The following ITIH4 variants were observed in gnomAD, a reference collection of about 807,000 sequenced individuals.
ITIH4 encodes the protein inter-alpha-trypsin inhibitor heavy chain H4.
In ITIH4, 79 loss-of-function variants were observed where a neutral mutation model predicts 111.8. The ratio of observed to expected loss-of-function variants is 0.71; its 90% CI spans 0.59 to 0.85. The LOEUF (loss-of-function observed/expected upper bound fraction) is 0.85. ITIH4 is among the 40% of genes least tolerant of loss of function. ITIH4 has a pLI of 0.00. For missense variants in ITIH4, 1,065 were observed against 1,195.8 expected, an observed-to-expected ratio of 0.89 and a Z score of 1.61; for synonymous variants, 472 against 468.3, an observed-to-expected ratio of 1.01 and a Z score of -0.10.
intron 2 of ITIH4, 58 bp downstream of exon 2, chr3:52,829,061 C>T (rs372279368): frequency 4.7e-5 from 68 of 1,445,318 alleles, no homozygotes; most frequent in East Asian, 4.3e-4. Context: ...TGGCACAGAG[C>T]GATGGAGTCA....
At chr3:52,825,180 C>A in intron 6 of ITIH4, 1 of 373,324 alleles carries the variant, frequency 2.7e-6, no homozygotes, top group Non-Finnish European at 4.8e-6. Context: ...ACTCTCCCTG[C>A]AACTTTTCCT....
chr3:52,827,813 C>T (rs942193312), intron 2 of ITIH4, among the ~76,000 whole-genome samples: 1 of 152,242 alleles, frequency 6.6e-6, no homozygotes, highest in East Asian at 1.9e-4. Flanking sequence ...TGTGGACACA[C>T]TCCTAGCAGC....
chr3:52,824,563 G>A lies in ITIH4; in HGVS notation c.879C>T (p.Thr293=). 1 of 1,610,214 alleles carries A rather than the reference G, an allele frequency of 6.2e-7. No homozygotes were observed. The highest frequency in any genetic ancestry group is 8.5e-7 in the Non-Finnish European group (1 of 1,179,044). The change falls in exon 8 of 24, where the codon ACC becomes ACT. Residue 293 remains threonine, a splice_region_variant and synonymous_variant. Coordinates refer to ENST00000266041, the MANE Select transcript of ITIH4 (RefSeq NM_002218.5). The surrounding 1 kb of genome is among the most constrained non-coding windows in gnomAD (Gnocchi z 4.3). ...GSMSGRKIQQ[T]REALIKILDD... ...CCAGGATCTTGATTAGGGCTTCCCG[G>A]GTCTGGTCAGGGAGAGGAAACATAG...
Position 52,819,536 on chromosome 3 carries a change from G to C in ITIH4, c.1952-18C>G, listed in dbSNP as rs1261566932. The C allele has an allele frequency of 6.2e-7, 1 of 1,614,014 alleles. No individual in the cohort carries two copies. Reference sequence around the variant, plus strand: ...AGCTCCAGCTTTGGAGAAATCGACAGATGCAGTCTTCTCTCAGGTGGGGTG... The same window carrying C: ...AGCTCCAGCTTTGGAGAAATCGACACATGCAGTCTTCTCTCAGGTGGGGTG... On this transcript the variant is annotated intron_variant, in intron 16 of 23. Coordinates refer to ENST00000266041, the MANE Select transcript of ITIH4 (RefSeq NM_002218.5).
At chr3:52,823,427 C>T (rs1384821048) in intron 11 of ITIH4, 129 bp downstream of exon 11, 8 of 705,570 alleles carry the variant, frequency 1.1e-5, no homozygotes, top group Non-Finnish European at 1.9e-5. Flanking sequence ...CCCTGCCATG[C>T]CCCTGTGTCA....
At chr3:52,820,829 G>C in intron 12 of ITIH4, 44 bp from the exon 13 acceptor site, 1 of 1,571,090 alleles carries the variant, frequency 6.4e-7, no homozygotes, top group Non-Finnish European at 8.6e-7. Context: ...CTTGAATTCG[G>C]GAACAGATTT....
intron 2 of ITIH4, among the ~76,000 whole-genome samples, chr3:52,828,476 G>C (rs1700518857): frequency 6.6e-6 from 1 of 152,238 alleles, no homozygotes; most frequent in African/African-American, 2.4e-5. Context: ...CTGTTTCTGG[G>C]AAGAGTCTTG....
rs1700310311 is a variant in ITIH4, at chr3:52,818,068, G to A, written c.2280C>T (p.Leu760=). 2 of 1,613,176 alleles carry A rather than the reference G, an allele frequency of 1.2e-6. No individual in the cohort carries two copies. The highest frequency in any genetic ancestry group is 1.7e-5 in the Admixed American group (1 of 60,006). Residue 760 remains leucine, a synonymous_variant, in exon 20 of 24, where the codon CTC becomes CTT. Coordinates refer to ENST00000266041, the MANE Select transcript of ITIH4 (RefSeq NM_002218.5). ...CTCTCTCACCTTGCTCAGGGTCTGA[G>A]AGCAGGTTCACTGGCCCCTGGCGGT... ...PRHRQGPVNL[L]SDPEQGVEVT...
At chr3:52,823,799 A>C in intron 10 of ITIH4, 24 bp downstream of exon 10, 4 of 1,613,862 alleles carry the variant, frequency 2.5e-6, no homozygotes, top group Non-Finnish European at 3.4e-6. Context: ...TTCTCTGTGC[A>C]GCCCACCTGG....
rs1176797070 is a variant in ITIH4, at chr3:52,826,081, CT to C, written c.631-68del. The stretch of plus-strand genomic sequence containing the variant: ...GCCAGGCCAACAACACCCTCTACCC[CT>C]GTCTGTATATTGGGAAATCAGAATT... On this transcript the variant is annotated intron_variant, in intron 5 of 23. Coordinates refer to ENST00000266041, the MANE Select transcript of ITIH4 (RefSeq NM_002218.5). 1.1e-5 allele frequency: 18 copies of C among 1,594,010 alleles called. No homozygotes were observed. In the Middle Eastern group the frequency reaches 1.0e-3, roughly 89 times the overall value.
In ITIH4 at chr3:52,824,085, C is replaced by A. The variant is rs1466321673; in HGVS notation, c.1172-81G>T. 1.3e-6 allele frequency: 2 copies of A among 1,558,708 alleles called. No individual in the cohort carries two copies. The highest frequency in any genetic ancestry group is 1.4e-5 in the African/African-American group (1 of 73,506). On this transcript the variant is annotated intron_variant, in intron 9 of 23. Transcript: ENST00000266041. The surrounding 1 kb of genome is among the most constrained non-coding windows in gnomAD (Gnocchi z 4.3). ...TTTCTGGAACCTCAGAGCCGAGGGG[C>A]CTCAGTGACCCCCTCTCCCTGCCCA...
Position 52,829,131 on chromosome 3 carries a change from G to T in ITIH4, c.239C>A (p.Thr80Asn). ...QMELPKKAFI[T>N]NFSMIIDGMT... ...GGAAGGCACCTACATGGAGAAGTTG[G>T]TGATGAAGGCTTTCTTGGGCAGCTC... The change falls in exon 2 of 24, where the codon ACC (threonine) becomes AAC (asparagine). Residue 80 changes from threonine to asparagine, a missense_variant. Physicochemically the swap from Thr to Asn is moderately conservative, Grantham distance 65. Coordinates refer to ENST00000266041, the MANE Select transcript of ITIH4 (RefSeq NM_002218.5). 1 of 1,608,924 alleles carries T rather than the reference G, an allele frequency of 6.2e-7. No individual in the cohort carries two copies. The highest frequency in any genetic ancestry group is 8.5e-7 in the Non-Finnish European group (1 of 1,175,826).
In ITIH4 at chr3:52,813,238, G is replaced by C. The variant is rs1360972447; in HGVS notation, c.*183C>G. The C allele has an allele frequency of 1.1e-5, 7 of 623,378 alleles. No homozygotes were observed. In the East Asian group the frequency reaches 1.6e-4, roughly 15 times the overall value. 38.6% of individuals were successfully genotyped at this position (623,378 alleles called of 1,614,324 possible). A position where few individuals can be genotyped will look rare whatever the true frequency, so the allele number is the denominator to read the frequency against. On this transcript the variant is annotated 3_prime_UTR_variant, in exon 24 of 24. Transcript: ENST00000266041. ...ACGATGCTAAGGTTCAGGATGCGAG[G>C]TTGAGGCCCTAGGATTTGGCCACAT...
In ITIH4 at chr3:52,815,111, G is replaced by C. The variant is rs9861067; in HGVS notation, c.2472-748C>G. On this transcript the variant is annotated intron_variant, in intron 21 of 23. Coordinates refer to ENST00000266041, the MANE Select transcript of ITIH4 (RefSeq NM_002218.5). ...ATTCTTGCCTTTCTGGTGTTCTCAT[G>C]AATGTTAGGTTCCTTTGAGCATGTT... Among the ~76,000 whole-genome samples, 793 of 152,260 alleles carry C rather than the reference G, an allele frequency of 5.2e-3. 10 individuals carry two copies. The highest frequency in any genetic ancestry group is 0.018 in the African/African-American group (768 of 41,546).
intron 2 of ITIH4, among the ~76,000 whole-genome samples, chr3:52,827,785 G>A (rs1344682430): frequency 6.6e-6 from 1 of 152,244 alleles, no homozygotes; most frequent in African/African-American, 2.4e-5. Flanking sequence ...GACAACTGGT[G>A]GACGGGACTC....
At chr3:52,816,842 T>C in intron 21 of ITIH4, 42 bp downstream of exon 21, 1 of 1,591,040 alleles carries the variant, frequency 6.3e-7, no homozygotes, top group Non-Finnish European at 8.6e-7. Flanking sequence ...CACTGTAGCC[T>C]GAAAGGTCAA....
Position 52,820,764 on chromosome 3 carries a change from A to T in ITIH4, c.1701T>A (p.Asp567Glu), listed in dbSNP as rs763721968. The T allele has an allele frequency of 7.4e-6, 12 of 1,613,204 alleles. No individual in the cohort carries two copies. The Admixed American group carries it at 1.8e-4, about 25-fold the overall frequency. The change falls in exon 13 of 24, where the codon GAT becomes GAA. Residue 567 changes from aspartate to glutamate, a missense_variant. Physicochemically the swap from Asp to Glu is conservative, Grantham distance 45 (BLOSUM62 2). Coordinates refer to ENST00000266041, the MANE Select transcript of ITIH4 (RefSeq NM_002218.5). ...GCGCTTGGTTCCGGAGGGCCTGCTG[A>T]TCAGCATCGGATGCGGAGACACTGT... Reference protein sequence around the residue: ...LEQTVSASDADQQALRNQALN... With the variant: ...LEQTVSASDAEQQALRNQALN...
At chr3:52,828,493 T>C (rs1382173288) in intron 2 of ITIH4, among the ~76,000 whole-genome samples, 1 of 152,204 alleles carries the variant, frequency 6.6e-6, no homozygotes, top group Non-Finnish European at 1.5e-5. Flanking sequence ...CTTGCCCTTG[T>C]CCTAAATCAC....
At position 52,818,554 on chromosome 3, in the gene ITIH4, G is replaced by A. The variant is rs368062830; in HGVS notation, c.2078-18C>T. 130 of 1,588,030 alleles carry A rather than the reference G, an allele frequency of 8.2e-5. No homozygotes were observed. Among genetic ancestry groups the A allele is most frequent in the Middle Eastern group, 1.7e-4 (1 of 6,044 alleles). On this transcript the variant is annotated intron_variant, in intron 17 of 23. Transcript: ENST00000266041. The stretch of plus-strand genomic sequence containing the variant: ...AGCAGGCACTAGGGCAGGAACATCC[G>A]GAAACAGAAAGGGAGCAGGAAGGCA...
Sources: allele counts gnomAD v4.1 joint callset (sites outside exome capture counted in the v4.1 genomes callset), GRCh38; gene constraint gnomAD v4.1.1; non-coding constraint Gnocchi (gnomAD v3.1); transcripts MANE v1.5; gene names NCBI Gene and HGNC (gene_info 2026-07-23, HGNC 2026-07-21).